Variants in MYRFL observed in about 807,000 individuals in gnomAD.
MYRFL encodes the protein myelin regulatory factor like, also known as myelin regulatory factor-like protein.
Under a neutral mutation model 109.4 loss-of-function variants are expected in MYRFL, and 88 were observed. The ratio of observed to expected loss-of-function variants is 0.80; its 90% CI spans 0.68 to 0.96. The LOEUF (loss-of-function observed/expected upper bound fraction) is 0.96. Among genes scored for constraint, MYRFL ranks in the 40% least tolerant of loss-of-function variants. MYRFL has a pLI of 0.00. For missense variants in MYRFL, 957 were observed against 954.9 expected, an observed-to-expected ratio of 1.00 and a Z score of -0.03; for synonymous variants, 324 against 320.9, an observed-to-expected ratio of 1.01 and a Z score of -0.10.
chr12:69,878,997 CA>C (rs1885870651), intron 2 of MYRFL, 30 bp from the exon 3 acceptor site: 1 of 702,688 alleles, frequency 1.4e-6, no homozygotes, highest in Non-Finnish European at 2.6e-6. Flanking sequence ...TAGAGTGAAA[CA>C]AAAACGCAAT....
At chr12:69,926,961 T>TTTTTTTTTTTG (rs1955114039) in intron 14 of MYRFL, among the ~76,000 whole-genome samples, 1 of 97,164 alleles carries the variant, frequency 1.0e-5, no homozygotes, top group Non-Finnish European at 1.9e-5. Flanking sequence ...TTTTTTTTTT[T>TTTTTTTTTTTG]GAGCCTGAGT....
Position 69,876,336 on chromosome 12 carries a change from G to T in MYRFL, c.138-2692G>T, listed in dbSNP as rs1375984526. ...TGCCCACCACAATCTCCTTGCTTTT[G>T]TCTAGTTTCCAGTGTCTTTGGGTAG... On this transcript the variant is annotated intron_variant, in intron 2 of 24. Transcript: ENST00000552032. Among the ~76,000 whole-genome samples the T allele has an allele frequency of 2.0e-5, 3 of 152,136 alleles. No homozygotes were observed. The South Asian group carries it at 6.3e-4, about 32-fold the overall frequency.
chr12:69,931,838 T>C (rs916462124), intron 15 of MYRFL, among the ~76,000 whole-genome samples: 1 of 152,200 alleles, frequency 6.6e-6, no homozygotes. Flanking sequence ...TACCAATATG[T>C]ATCAGTCCTA....
intron 13 of MYRFL, among the ~76,000 whole-genome samples, chr12:69,925,831 A>AATT (rs772229984): frequency 2.0e-5 from 3 of 152,164 alleles, no homozygotes; most frequent in Non-Finnish European, 4.4e-5. Context: ...AGTATACAAT[A>AATT]GTTCATTGGA....
chr12:69,935,526 G>A (rs890719511), intron 16 of MYRFL, among the ~76,000 whole-genome samples: 2 of 152,202 alleles, frequency 1.3e-5, no homozygotes, highest in Admixed American at 6.5e-5. Flanking sequence ...AGACACCCTC[G>A]TTATTTTTGA....
At chr12:69,946,320 G>T (rs1464639973) in intron 19 of MYRFL, among the ~76,000 whole-genome samples, 1 of 152,086 alleles carries the variant, frequency 6.6e-6, no homozygotes, top group African/African-American at 2.4e-5. Context: ...GTGATACACT[G>T]GGAAAGTTGT....
At chr12:69,860,637 T>C (rs1350145441) in intron 2 of MYRFL, among the ~76,000 whole-genome samples, 4 of 152,086 alleles carry the variant, frequency 2.6e-5, no homozygotes, top group African/African-American at 4.8e-5. Context: ...GTACTTCTTT[T>C]CCCCCTTTCC....
At chr12:69,909,936 C>G in intron 11 of MYRFL, 33 bp from the exon 12 acceptor site, 1 of 1,400,978 alleles carries the variant, frequency 7.1e-7, no homozygotes, top group Non-Finnish European at 9.6e-7. Context: ...AATATCTATG[C>G]GAGTAAAATC....
intron 11 of MYRFL, among the ~76,000 whole-genome samples, chr12:69,909,324 T>C (rs1240378688): frequency 6.6e-6 from 1 of 152,202 alleles, no homozygotes; most frequent in African/African-American, 2.4e-5. Flanking sequence ...TCAGGGAGTC[T>C]GTCAAGGGAG....
rs1956134145 is a variant in MYRFL at position 69,958,123 on chromosome 12, C to T, written c.2572-126C>T. 4.3e-6 allele frequency: 5 copies of T among 1,163,328 alleles called. No homozygotes were observed. The South Asian group carries it at 7.7e-5, about 18-fold the overall frequency. The allele number at this position is 1,163,328 out of a possible 1,614,324, so 72.1% of individuals were successfully genotyped here. A position where few individuals can be genotyped will look rare whatever the true frequency, so the allele number is the denominator to read the frequency against. On this transcript the variant is annotated intron_variant, in intron 23 of 24. Coordinates refer to ENST00000552032, the MANE Select transcript of MYRFL (RefSeq NM_182530.3). ...GTTGCTAGGACTGTTCTAGCAACACCCATCAAAAGCTGTGATCCCAATACT... is the reference window on the plus strand; with the variant it reads ...GTTGCTAGGACTGTTCTAGCAACACTCATCAAAAGCTGTGATCCCAATACT...
At chr12:69,875,996 T>G (rs2136330899) in intron 2 of MYRFL, among the ~76,000 whole-genome samples, 1 of 152,338 alleles carries the variant, frequency 6.6e-6, no homozygotes, top group Admixed American at 6.5e-5. Flanking sequence ...CAAATTTCAG[T>G]TCAGTCCTGT....
intron 1 of MYRFL, among the ~76,000 whole-genome samples, chr12:69,847,517 A>G (rs932215846): frequency 1.3e-5 from 2 of 152,218 alleles, no homozygotes. Flanking sequence ...ACAAAGCACT[A>G]TCACTGAAGA....
intron 2 of MYRFL, among the ~76,000 whole-genome samples, chr12:69,862,177 T>A (rs1465525868): frequency 1.3e-5 from 2 of 151,346 alleles, no homozygotes; most frequent in African/African-American, 4.8e-5. Flanking sequence ...TGAAGTCAGG[T>A]AGCATGATGC....
intron 13 of MYRFL, among the ~76,000 whole-genome samples, chr12:69,912,119 G>A (rs904121700): frequency 6.6e-6 from 1 of 152,186 alleles, no homozygotes; most frequent in Non-Finnish European, 1.5e-5. Context: ...TGGGAGGCCT[G>A]CTCAGCCCAG....
At chr12:69,860,185 G>A (rs560589000) in intron 2 of MYRFL, among the ~76,000 whole-genome samples, 1 of 152,234 alleles carries the variant, frequency 6.6e-6, no homozygotes, top group East Asian at 1.9e-4. Context: ...CCACTTATAA[G>A]TGAGAATATG....
At chr12:69,954,030 C>T (rs1054697403) in intron 21 of MYRFL, among the ~76,000 whole-genome samples, 4 of 152,090 alleles carry the variant, frequency 2.6e-5, no homozygotes, top group African/African-American at 7.2e-5. Flanking sequence ...ATTGAATTCT[C>T]ACAAAATCCC....
In MYRFL at chr12:69,854,926, A is replaced by C. The variant is rs193031975; in HGVS notation, c.47-354A>C. On this transcript the variant is annotated intron_variant, in intron 1 of 24. Transcript: ENST00000552032. ...TATTTTATTCTATAAAAATATCAAC[A>C]TATTTATTATAGTCAGTAAGAAACC... Among the ~76,000 whole-genome samples the C allele has an allele frequency of 1.3e-4, 20 of 152,264 alleles. No individual in the cohort carries two copies. The East Asian group carries it at 2.7e-3, about 21-fold the overall frequency.
chr12:69,827,798 C>T (rs935580657), intron 1 of MYRFL, among the ~76,000 whole-genome samples: 1 of 151,848 alleles, frequency 6.6e-6, no homozygotes, highest in Non-Finnish European at 1.5e-5. Flanking sequence ...TATATAAACA[C>T]AATTAGATAT....
chr12:69,879,004 G>A, intron 2 of MYRFL, 24 bp from the exon 3 acceptor site: 1 of 702,828 alleles, frequency 1.4e-6, no homozygotes, highest in Non-Finnish European at 2.6e-6. Flanking sequence ...AAACAAAAAC[G>A]CAATGTATGT....
Sources: allele counts gnomAD v4.1 joint callset (sites outside exome capture counted in the v4.1 genomes callset), GRCh38; gene constraint gnomAD v4.1.1; transcripts MANE v1.5; gene names NCBI Gene and HGNC (gene_info 2026-07-23, HGNC 2026-07-21).